The following RALYL variants were observed in gnomAD, a reference collection of about 807,000 sequenced individuals.
The protein encoded by RALYL is RNA-binding Raly-like protein.
RALYL carries 29 observed loss-of-function variants against 35.1 expected under a neutral mutation model. That is an observed-to-expected ratio of 0.83 (90% confidence interval 0.61 to 1.13). The LOEUF (loss-of-function observed/expected upper bound fraction) is 1.13, where lower values mean the gene tolerates loss of function less well. Among genes scored for constraint, RALYL ranks in the 50% most tolerant of loss-of-function variants. The pLI, the probability that RALYL is intolerant of heterozygous loss-of-function variation, is 0.00. For synonymous variants in RALYL, 120 were observed against 127.6 expected, an observed-to-expected ratio of 0.94 and a Z score of 0.40; for missense variants, 359 against 360.4, an observed-to-expected ratio of 1.00 and a Z score of 0.03.
At chr8:84,704,696 C>G (rs1340501393) in intron 2 of RALYL, among the ~76,000 whole-genome samples, 1 of 152,114 alleles carries the variant, frequency 6.6e-6, no homozygotes, top group Admixed American at 6.6e-5. Flanking sequence ...CTTTGACAAA[C>G]AGTCTTACCA....
chr8:84,452,919 C>T (rs953903190), intron 1 of RALYL, among the ~76,000 whole-genome samples: 10 of 151,824 alleles, frequency 6.6e-5, no homozygotes, highest in South Asian at 2.1e-4. Context: ...CAGCCAATTT[C>T]CTGATTTTAT....
chr8:84,345,256 G>A (rs554003324), intron 1 of RALYL, among the ~76,000 whole-genome samples: 1 of 152,088 alleles, frequency 6.6e-6, no homozygotes, highest in Admixed American at 6.6e-5. Context: ...GCCTCAGAAA[G>A]TCACCAACTA....
At chr8:84,837,681 T>A (rs1281349395) in intron 4 of RALYL, among the ~76,000 whole-genome samples, 3 of 152,204 alleles carry the variant, frequency 2.0e-5, no homozygotes, top group African/African-American at 7.2e-5. Context: ...TGTGGATATA[T>A]GGCTCTAAGC....
intron 2 of RALYL, among the ~76,000 whole-genome samples, chr8:84,771,118 A>T (rs755298488): frequency 3.9e-5 from 6 of 152,080 alleles, no homozygotes; most frequent in Non-Finnish European, 7.4e-5. Context: ...ACATGAAAGA[A>T]TTCATACTGT....
intron 5 of RALYL, among the ~76,000 whole-genome samples, chr8:84,858,798 C>A (rs1022245073): frequency 3.3e-4 from 50 of 152,100 alleles, no homozygotes; most frequent in Middle Eastern, 3.2e-3. Context: ...GAAAGCCTTC[C>A]CCGCTTTCTA....
chr8:84,799,359 C>CATG (rs1279613495), intron 3 of RALYL, among the ~76,000 whole-genome samples: 1 of 152,132 alleles, frequency 6.6e-6, no homozygotes, highest in African/African-American at 2.4e-5. Context: ...AGGAGAATTA[C>CATG]ATGATTATAT....
intron 1 of RALYL, among the ~76,000 whole-genome samples, chr8:84,481,271 A>C (rs1284640178): frequency 6.6e-6 from 1 of 152,178 alleles, no homozygotes; most frequent in Non-Finnish European, 1.5e-5. Context: ...GCATCCTGTA[A>C]CATTATAAAA....
At chr8:84,235,296 G>A (rs1826261759) in intron 1 of RALYL, among the ~76,000 whole-genome samples, 2 of 152,166 alleles carry the variant, frequency 1.3e-5, no homozygotes, top group South Asian at 4.1e-4. Context: ...AGGCTAAGAA[G>A]TCAGTTAGAC....
intron 8 of RALYL, among the ~76,000 whole-genome samples, chr8:84,899,810 C>A (rs1845366845): frequency 6.6e-6 from 1 of 152,158 alleles, no homozygotes; most frequent in African/African-American, 2.4e-5. Context: ...AGCTAGAATG[C>A]TGACTTATAA....
chr8:84,646,497 T>TA (rs1564301814), intron 2 of RALYL, among the ~76,000 whole-genome samples: 1 of 152,054 alleles, frequency 6.6e-6, no homozygotes, highest in Non-Finnish European at 1.5e-5. Flanking sequence ...TGGTTGGTTT[T>TA]ATGGGAAAAA....
intron 2 of RALYL, among the ~76,000 whole-genome samples, chr8:84,571,397 C>A (rs966419989): frequency 6.6e-6 from 1 of 151,480 alleles, no homozygotes; most frequent in East Asian, 1.9e-4. Flanking sequence ...CTAGTTTTTG[C>A]AAATAGGGGT....
chr8:84,408,611 A>G (rs1026624250), intron 1 of RALYL, among the ~76,000 whole-genome samples: 1 of 152,146 alleles, frequency 6.6e-6, no homozygotes, highest in African/African-American at 2.4e-5. Flanking sequence ...TAGTCATTCA[A>G]GAACCCAGGT....
At chr8:84,702,726 A>G (rs1840427177) in intron 2 of RALYL, among the ~76,000 whole-genome samples, 1 of 152,024 alleles carries the variant, frequency 6.6e-6, no homozygotes, top group Non-Finnish European at 1.5e-5. Flanking sequence ...TATATATCTT[A>G]TAGGCTTTTA....
intron 4 of RALYL, among the ~76,000 whole-genome samples, chr8:84,836,263 ATG>A (rs768006847): frequency 5.4e-4 from 82 of 152,308 alleles, no homozygotes; most frequent in Non-Finnish European, 8.1e-4. Flanking sequence ...CATCCTTTAA[ATG>A]TGTGAGACAG....
chr8:84,333,739 C>T lies in RALYL; in HGVS notation c.-24+149315C>T, dbSNP rs190162432. Among the ~76,000 whole-genome samples the T allele has an allele frequency of 7.8e-3, 1,181 of 152,174 alleles. 20 individuals are homozygous for T. Among genetic ancestry groups the T allele is most frequent in the African/African-American group, 0.027 (1,136 of 41,512 alleles). On this transcript the variant is annotated intron_variant, in intron 1 of 8. Transcript: ENST00000521268. ...TTAGGTGAGAGTTGGAGACTGTAAT[C>T]CCAGTTTTTGGAAAAGTCAATTGTT... is the stretch of plus-strand genomic sequence containing the variant.
chr8:84,852,703 A>T (rs969191465), intron 5 of RALYL, among the ~76,000 whole-genome samples: 3 of 152,326 alleles, frequency 2.0e-5, no homozygotes, highest in Admixed American at 2.0e-4. Context: ...AGGGGTCCCA[A>T]TTCAGACCCC....
chr8:84,469,659 G>T (rs1563988029), intron 1 of RALYL, among the ~76,000 whole-genome samples: 4 of 152,192 alleles, frequency 2.6e-5, no homozygotes, highest in Non-Finnish European at 5.9e-5. Context: ...AGCTGTGGTG[G>T]GCTCCACCCA....
At chr8:84,799,772 C>T (rs143144999) in intron 3 of RALYL, among the ~76,000 whole-genome samples, 5,162 of 152,138 alleles carry the variant, frequency 0.034, 313 homozygotes, top group African/African-American at 0.12. Flanking sequence ...CTGGCTAACA[C>T]GGTGAAACCC....
At chr8:84,525,277 C>T (rs2134806113) in intron 1 of RALYL, among the ~76,000 whole-genome samples, 1 of 152,092 alleles carries the variant, frequency 6.6e-6, no homozygotes, top group Non-Finnish European at 1.5e-5. Context: ...AAATTAAAAA[C>T]AGACAGTTTG....
Sources: allele counts gnomAD v4.1 joint callset (sites outside exome capture counted in the v4.1 genomes callset), GRCh38; gene constraint gnomAD v4.1.1; transcripts MANE v1.5; gene names NCBI Gene and HGNC (gene_info 2026-07-23, HGNC 2026-07-21).